Variants in TMEM116 observed in about 807,000 individuals in gnomAD.
The protein encoded by TMEM116 is transmembrane protein 116.
A neutral mutation model predicts 44.3 loss-of-function variants in TMEM116; 38 were observed. The observed-to-expected ratio is 0.86, with a 90% confidence interval of 0.66 to 1.12. The LOEUF (loss-of-function observed/expected upper bound fraction) is 1.12. Ranked by LOEUF, TMEM116 falls within the 50% of genes most tolerant of loss-of-function variation. The pLI is 0.00. For missense variants in TMEM116, 354 were observed against 401.7 expected, an observed-to-expected ratio of 0.88 and a Z score of 1.01; for synonymous variants, 132 against 144.8, an observed-to-expected ratio of 0.91 and a Z score of 0.64.
At chr12:111,993,859 A>G in intron 3 of TMEM116, 1 of 751,644 alleles carries the variant, frequency 1.3e-6, no homozygotes, top group South Asian at 1.3e-5. Context: ...GAATAAAGAA[A>G]AAGGTAGCAG....
In TMEM116 at chr12:111,992,713, C is replaced by T. The variant is rs530731631; in HGVS notation, c.79-824G>A. Among the ~76,000 whole-genome samples the T allele has an allele frequency of 3.9e-5, 6 of 152,280 alleles. No homozygotes were observed. The South Asian group carries it at 6.2e-4, about 16-fold the overall frequency. The stretch of plus-strand genomic sequence containing the variant: ...AGAATGAACTGTATGTGTTGCCTTT[C>T]GGTTTCTGACCACACTGGTGAAATT... On this transcript the variant is annotated intron_variant, in intron 3 of 10. Transcript: ENST00000552374.
At chr12:111,960,209 G>T (rs762566348) in intron 4 of TMEM116, among the ~76,000 whole-genome samples, 4 of 151,968 alleles carry the variant, frequency 2.6e-5, no homozygotes, top group African/African-American at 7.2e-5. Flanking sequence ...CTCAGAATCG[G>T]CCGGGCACAG....
intron 10 of TMEM116, 47 bp from the exon 11 acceptor site, chr12:111,931,874 G>T: frequency 7.6e-7 from 1 of 1,310,984 alleles, no homozygotes; most frequent in South Asian, 1.6e-5. Flanking sequence ...AGGTTTTCAG[G>T]GATCCAGGGA....
chr12:111,972,867 ACT>A (rs2075438171), intron 4 of TMEM116, among the ~76,000 whole-genome samples: 1 of 151,750 alleles, frequency 6.6e-6, no homozygotes, highest in African/African-American at 2.4e-5. Flanking sequence ...CAAGAGCAAG[ACT>A]CTGTCTCAAA....
chr12:111,941,351 G>A (rs2072799969), intron 5 of TMEM116, among the ~76,000 whole-genome samples: 1 of 150,998 alleles, frequency 6.6e-6, no homozygotes, highest in South Asian at 2.1e-4. Context: ...ACTTCAGCCT[G>A]GCGACAGAGC....
At chr12:111,937,648 G>A (rs1365889734) in intron 6 of TMEM116, among the ~76,000 whole-genome samples, 1 of 152,164 alleles carries the variant, frequency 6.6e-6, no homozygotes, top group Non-Finnish European at 1.5e-5. Flanking sequence ...CTTTTCCAAA[G>A]TGTAGCTTTA....
At chr12:111,944,242 GAATAA>G (rs1405901995) in intron 4 of TMEM116, among the ~76,000 whole-genome samples, 2 of 151,880 alleles carry the variant, frequency 1.3e-5, no homozygotes, top group African/African-American at 4.8e-5. Context: ...ACTAAAAATT[GAATAA>G]AATATATGAA....
At chr12:111,961,163 G>A (rs888161279) in intron 4 of TMEM116, among the ~76,000 whole-genome samples, 1 of 152,128 alleles carries the variant, frequency 6.6e-6, no homozygotes. Context: ...AACAAGTTCT[G>A]AAATTTAGGC....
rs150440328 is a variant in TMEM116 at position 111,989,585 on chromosome 12, T to C, written c.210+2173A>G. ...AAAATATTAACAATCTCTAGAGAGT[T>C]ACAAAAGGACCCAGAGTCTATGCAA... On this transcript the variant is annotated intron_variant, in intron 4 of 10. Coordinates refer to ENST00000552374, the MANE Select transcript of TMEM116 (RefSeq NM_001193531.2). Among the ~76,000 whole-genome samples, 564 of 152,290 alleles carry C rather than the reference T, an allele frequency of 3.7e-3. 2 individuals carry two copies. Among genetic ancestry groups the C allele is most frequent in the African/African-American group, 0.013 (538 of 41,554 alleles).
chr12:111,931,440 G>T lies in TMEM116; in HGVS notation c.*181C>A. On this transcript the variant is annotated 3_prime_UTR_variant, in exon 11 of 11. Coordinates refer to ENST00000552374, the MANE Select transcript of TMEM116 (RefSeq NM_001193531.2). Reference sequence around the variant, plus strand: ...CTTTAAGGATCACTAGTGAATCTGGGAATAACTGGAGAGATACTCCCAATT... The same window carrying T: ...CTTTAAGGATCACTAGTGAATCTGGTAATAACTGGAGAGATACTCCCAATT... 1 of 619,020 alleles carries T rather than the reference G, an allele frequency of 1.6e-6. No individual in the cohort carries two copies. Among genetic ancestry groups the T allele is most frequent in the Non-Finnish European group, 2.8e-6 (1 of 356,390 alleles). The allele number at this position is 619,020 out of a possible 1,614,324, so 38.3% of individuals were successfully genotyped here.
chr12:112,011,005 T>C (rs539612295), intron 1 of TMEM116: 3 of 152,410 alleles, frequency 2.0e-5, no homozygotes, highest in South Asian at 2.1e-4. Context: ...CTGCCTCCCA[T>C]TGCCATTCTT....
chr12:111,970,747 CA>C (rs1243037581), intron 4 of TMEM116, among the ~76,000 whole-genome samples: 2 of 152,044 alleles, frequency 1.3e-5, no homozygotes, highest in Non-Finnish European at 2.9e-5. Context: ...CCACCATGCC[CA>C]GCTAATTTTT....
intron 3 of TMEM116, chr12:111,992,916 T>C (rs767647751): frequency 2.0e-5 from 3 of 152,414 alleles, no homozygotes; most frequent in Non-Finnish European, 2.9e-5. Context: ...CTGAATCTGA[T>C]GTGGAAGTAC....
intron 4 of TMEM116, among the ~76,000 whole-genome samples, chr12:111,968,876 G>A (rs755777730): frequency 2.0e-5 from 3 of 150,500 alleles, no homozygotes; most frequent in Non-Finnish European, 4.4e-5. Context: ...ACCTGTAATC[G>A]CAGCTACTCA....
In TMEM116 at chr12:111,940,539, ATATATACACACACACATATATATGTGTG is replaced by A. The variant is rs1380099381; in HGVS notation, c.316-2357_316-2330del. On this transcript the variant is annotated intron_variant, in intron 5 of 10. Transcript: ENST00000552374. ...TATATATGTGTATATATATATATAT[ATATATACACACACACATATATATGTGTG>A]TATATATATATATATATCTTCGGCT... 5.2e-4 allele frequency among the ~76,000 whole-genome samples: 55 copies of A among 105,062 alleles called. 4 individuals are homozygous for A. In the East Asian group the frequency reaches 0.015, roughly 28 times the overall value. The allele number at this position is 105,062 out of a possible 152,430, so 68.9% of individuals were successfully genotyped here.
At chr12:111,985,113 G>A (rs1009285684) in intron 4 of TMEM116, among the ~76,000 whole-genome samples, 5 of 152,106 alleles carry the variant, frequency 3.3e-5, no homozygotes, top group Admixed American at 2.6e-4. Flanking sequence ...TTCAGAACAA[G>A]GTGAGGATGC....
chr12:111,947,655 G>T (rs1457594591), intron 4 of TMEM116, among the ~76,000 whole-genome samples: 3 of 152,086 alleles, frequency 2.0e-5, no homozygotes, highest in Non-Finnish European at 4.4e-5. Flanking sequence ...ATTTTACATG[G>T]TTATTCAAAG....
intron 4 of TMEM116, among the ~76,000 whole-genome samples, chr12:111,975,747 C>T (rs2075631241): frequency 6.6e-6 from 1 of 151,842 alleles, no homozygotes; most frequent in South Asian, 2.1e-4. Context: ...GACAATTAGT[C>T]AACTTCGGCC....
chr12:111,933,855 C>T, intron 9 of TMEM116, 31 bp downstream of exon 9: 1 of 1,612,192 alleles, frequency 6.2e-7, no homozygotes, highest in Non-Finnish European at 8.5e-7. Flanking sequence ...CTGCCCTCTT[C>T]ACTGCCCATC....
Sources: allele counts gnomAD v4.1 joint callset (sites outside exome capture counted in the v4.1 genomes callset), GRCh38; gene constraint gnomAD v4.1.1; transcripts MANE v1.5; gene names NCBI Gene and HGNC (gene_info 2026-07-23, HGNC 2026-07-21).